DBR1: variants seen among roughly 807,000 people sequenced by gnomAD.
The protein encoded by DBR1 is debranching RNA lariats 1, also known as lariat debranching enzyme.
Under a neutral mutation model 45.9 loss-of-function variants are expected in DBR1, and 33 were observed. The observed-to-expected ratio is 0.72, with a 90% CI of 0.55 to 0.96. The LOEUF is 0.96. DBR1 is among the 40% of genes least tolerant of loss of function. The probability of loss-of-function intolerance (pLI) is 0.00; values close to 1 mark genes in which losing one functional copy is unlikely to be tolerated. For synonymous variants in DBR1, 235 were observed against 235.9 expected (o/e 1.00, Z 0.04); for missense variants, 619 against 667.4 (o/e 0.93, Z 0.80).
At chr3:138,163,618 T>A in intron 6 of DBR1, 124 bp from the exon 7 acceptor site, 3 of 723,570 alleles carry the variant, frequency 4.1e-6, no homozygotes, top group Non-Finnish European at 5.9e-6. Flanking sequence ...TAATTTTAAA[T>A]CAATCCATTT....
chr3:138,162,738 A>G (rs2042913850), intron 7 of DBR1, among the ~76,000 whole-genome samples, 156 bp from the exon 8 acceptor site: 1 of 152,202 alleles, frequency 6.6e-6, no homozygotes, highest in African/African-American at 2.4e-5. Context: ...AGGACCATTT[A>G]GAAAAAAAAA....
chr3:138,171,805 G>T, intron 2 of DBR1, 92 bp from the exon 3 acceptor site: 1 of 919,766 alleles, frequency 1.1e-6, no homozygotes, highest in Non-Finnish European at 1.7e-6. Flanking sequence ...ATTCCACACA[G>T]TTCTAAAATT....
chr3:138,171,770 G>T, intron 2 of DBR1, 57 bp from the exon 3 acceptor site: 1 of 1,218,984 alleles, frequency 8.2e-7, no homozygotes, highest in Non-Finnish European at 1.2e-6. Flanking sequence ...TACACCGACT[G>T]AATAAACCAT....
intron 2 of DBR1, among the ~76,000 whole-genome samples, chr3:138,172,346 G>A (rs1254801497): frequency 6.6e-6 from 1 of 152,150 alleles, no homozygotes; most frequent in African/African-American, 2.4e-5. Flanking sequence ...CACTTTGGAG[G>A]CCCAGGTGGG....
chr3:138,172,469 C>T (rs1463661846), intron 2 of DBR1, among the ~76,000 whole-genome samples: 3 of 152,122 alleles, frequency 2.0e-5, no homozygotes, highest in Non-Finnish European at 4.4e-5. Context: ...GTGGTACACG[C>T]TTGCAGTCAC....
At chr3:138,164,004 A>AGTTAATTCTATACCCACTTGT (rs1386604673) in intron 5 of DBR1, 146 bp from the exon 6 acceptor site, 9 of 530,304 alleles carry the variant, frequency 1.7e-5, no homozygotes, top group Non-Finnish European at 2.3e-5. Flanking sequence ...TCCAAAATTA[A>AGTTAATTCTATACCCACTTGT]GTTAATTCTA....
At chr3:138,162,933 C>T (rs2042914566) in intron 7 of DBR1, among the ~76,000 whole-genome samples, 1 of 152,130 alleles carries the variant, frequency 6.6e-6, no homozygotes, top group Non-Finnish European at 1.5e-5. Flanking sequence ...ATTGTTCTGA[C>T]ATTCATTCAA....
At chr3:138,167,777 C>T (rs920314088) in intron 4 of DBR1, among the ~76,000 whole-genome samples, 2 of 152,112 alleles carry the variant, frequency 1.3e-5, no homozygotes, top group Non-Finnish European at 2.9e-5. Context: ...GAAACCCCAT[C>T]TCTACTAAAA....
intron 4 of DBR1, 40 bp downstream of exon 4, chr3:138,170,066 TA>T: frequency 7.9e-7 from 1 of 1,261,296 alleles, no homozygotes; most frequent in Non-Finnish European, 1.1e-6. Context: ...AGAATTACTT[TA>T]AAATGTTTTC....
chr3:138,171,818 T>C, intron 2 of DBR1, 105 bp from the exon 3 acceptor site: 2 of 843,376 alleles, frequency 2.4e-6, no homozygotes, highest in Non-Finnish European at 3.9e-6. Flanking sequence ...CTAAAATTAT[T>C]TGAAAATTAA....
rs200570232 is a variant in DBR1 at position 138,162,493 on chromosome 3, G to A, written c.1031C>T (p.Thr344Ile). 50 of 1,613,946 alleles carry A rather than the reference G, an allele frequency of 3.1e-5. No homozygotes were observed. The highest frequency in any genetic ancestry group is 4.1e-5 in the Non-Finnish European group (48 of 1,179,978). ...DLKVPCNFSV[T>I]AACYDPSKPQ... ...CTTGCTAGGATCATAACAAGCAGCTGTTACACTAAAGTTACATGGAACCTT... is the reference window on the plus strand; with the variant it reads ...CTTGCTAGGATCATAACAAGCAGCTATTACACTAAAGTTACATGGAACCTT... The change falls in exon 8 of 8, where the codon ACA becomes ATA. Residue 344 changes from threonine to isoleucine, a missense_variant. Thr to Ile is a moderately conservative substitution (Grantham distance 89). Coordinates refer to ENST00000260803, the MANE Select transcript of DBR1 (RefSeq NM_016216.4).
chr3:138,167,346 A>G, intron 4 of DBR1, 41 bp from the exon 5 acceptor site: 2 of 1,414,214 alleles, frequency 1.4e-6, no homozygotes, highest in South Asian at 2.5e-5. Flanking sequence ...AACTCTTAAA[A>G]CAGATTAACC....
intron 4 of DBR1, among the ~76,000 whole-genome samples, chr3:138,167,886 G>T (rs1432904262): frequency 1.3e-5 from 2 of 152,052 alleles, no homozygotes; most frequent in Non-Finnish European, 2.9e-5. Flanking sequence ...GGTGGAGGTT[G>T]CAATAAGCCG....
chr3:138,172,486 TTGGGAGGCTGTGG>T (rs2042959804), intron 2 of DBR1, among the ~76,000 whole-genome samples: 1 of 152,136 alleles, frequency 6.6e-6, no homozygotes, highest in South Asian at 2.1e-4. Context: ...TCACAGCTAC[TTGGGAGGCTGTGG>T]TGGGAGGATG....
In DBR1 at chr3:138,173,764, C is replaced by T. The variant is rs987110069; in HGVS notation, c.198-138G>A. On this transcript the variant is annotated intron_variant, in intron 1 of 7. Transcript: ENST00000260803. ...AAAAGGAATTGCCTGGGGCTGGGCGCGGTGGCTCCCTCCTGTAATCCCAGC... is the reference window on the plus strand; with the variant it reads ...AAAAGGAATTGCCTGGGGCTGGGCGTGGTGGCTCCCTCCTGTAATCCCAGC... 14 of 898,902 alleles carry T rather than the reference C, an allele frequency of 1.6e-5. 1 individual carries two copies. The South Asian group carries it at 1.8e-4, about 12-fold the overall frequency. The allele number at this position is 898,902 out of a possible 1,614,324, so 55.7% of individuals were successfully genotyped here. A position where few individuals can be genotyped will look rare whatever the true frequency, so the allele number is the denominator to read the frequency against.
intron 4 of DBR1, among the ~76,000 whole-genome samples, chr3:138,169,505 C>T (rs916549867): frequency 1.1e-4 from 17 of 152,008 alleles, no homozygotes; most frequent in African/African-American, 3.9e-4. Flanking sequence ...TCAATATTTT[C>T]TTTAAAATAT....
At chr3:138,172,302 A>G (rs1249254393) in intron 2 of DBR1, among the ~76,000 whole-genome samples, 1 of 152,168 alleles carries the variant, frequency 6.6e-6, no homozygotes, top group African/African-American at 2.4e-5. Flanking sequence ...AAAGGGATGA[A>G]GCTGGGTGCG....
At chr3:138,174,270 G>A (rs372834824) in intron 1 of DBR1, among the ~76,000 whole-genome samples, 2 of 152,132 alleles carry the variant, frequency 1.3e-5, no homozygotes, top group South Asian at 4.1e-4. Flanking sequence ...ATCTAAACCT[G>A]TCAGCTTCTT....
intron 1 of DBR1, among the ~76,000 whole-genome samples, chr3:138,173,928 G>A (rs940601777): frequency 5.9e-5 from 9 of 151,430 alleles, no homozygotes; most frequent in Non-Finnish European, 8.8e-5. Context: ...GGCTGAGGTG[G>A]GAGAATCGCT....
Sources: allele counts gnomAD v4.1 joint callset (sites outside exome capture counted in the v4.1 genomes callset), GRCh38; gene constraint gnomAD v4.1.1; transcripts MANE v1.5; gene names NCBI Gene and HGNC (gene_info 2026-07-23, HGNC 2026-07-21).